Variants in GALK1 observed in about 807,000 individuals in gnomAD.
GALK1 encodes galactokinase.
GALK1 carries 30 observed loss-of-function variants against 38.6 expected under a neutral mutation model. The observed-to-expected ratio is 0.78, with a 90% CI of 0.58 to 1.05. The LOEUF is 1.05. Ranked by LOEUF, GALK1 falls within the 50% of genes least tolerant of loss-of-function variation. GALK1 has a pLI of 0.00. For synonymous variants in GALK1, 240 were observed against 233.6 expected (o/e 1.03, Z -0.25); for missense variants, 512 against 540.5 (o/e 0.95, Z 0.52).
At chr17:75,757,234 C>T, downstream of GALK1, 2 of 1,612,050 alleles carry the variant, frequency 1.2e-6, no homozygotes, top group Non-Finnish European at 8.5e-7. Flanking sequence ...GTGCCGGGCT[C>T]TTCCAGCACC....
intron 5 of GALK1, among the ~76,000 whole-genome samples, chr17:75,759,660 G>C (rs563593740): frequency 2.6e-5 from 4 of 152,204 alleles, no homozygotes; most frequent in Admixed American, 1.3e-4. Flanking sequence ...GCTGGGGTGG[G>C]GAGGAGGGAC....
chr17:75,758,971 C>T (rs1300885644), intron 5 of GALK1, among the ~76,000 whole-genome samples: 1 of 152,178 alleles, frequency 6.6e-6, no homozygotes, highest in Non-Finnish European at 1.5e-5. Flanking sequence ...AGCCAGGGAC[C>T]AGCAGGCTGT....
At chr17:75,754,475 AC>A, downstream of GALK1, 2 of 1,502,608 alleles carry the variant, frequency 1.3e-6, no homozygotes, top group South Asian at 1.1e-5. Flanking sequence ...AGCAAAAGCC[AC>A]CCAGAGGGTG....
At chr17:75,755,573 G>A, downstream of GALK1, 1 of 1,210,600 alleles carries the variant, frequency 8.3e-7, no homozygotes, top group Non-Finnish European at 1.2e-6. Context: ...TGCAGGGTGA[G>A]TGAGTTGTCC....
rs116845474 is a variant in GALK1, at chr17:75,758,024, G to A, written c.*32C>T. 8,787 of 1,610,484 alleles carry A rather than the reference G, an allele frequency of 5.5e-3. 26 individuals carry two copies. Among genetic ancestry groups the A allele is most frequent in the Non-Finnish European group, 6.8e-3 (7,995 of 1,178,504 alleles). On this transcript the variant is annotated 3_prime_UTR_variant, in exon 8 of 8. Transcript: ENST00000588479. ...GCCGTGGGACTGGCCTGCAGGCCCC[G>A]CACCCTCACCGTGTGCTGTCCTGGG...
rs572521863 is a variant in GALK1, at chr17:75,765,169, G to A, written c.-33C>T. On this transcript the variant is annotated 5_prime_UTR_variant, in exon 1 of 8. Coordinates refer to ENST00000588479, the MANE Select transcript of GALK1 (RefSeq NM_000154.2). ...GCCTGCAGCTCTGCACAGCTGCTCC[G>A]GCACAGCCCCGTCGGCGCGGGATGC... The A allele has an allele frequency of 1.1e-5, 16 of 1,426,864 alleles. No homozygotes were observed. The highest frequency in any genetic ancestry group is 8.9e-5 in the East Asian group (3 of 33,834). The allele number at this position is 1,426,864 out of a possible 1,614,324, so 88.4% of individuals were successfully genotyped here.
downstream of GALK1, chr17:75,756,468 C>G (rs2143533520): frequency 1.2e-6 from 2 of 1,613,384 alleles, no homozygotes; most frequent in South Asian, 1.1e-5. Context: ...CCTGCCCAGA[C>G]CTCGGTGGTG....
downstream of GALK1, chr17:75,751,577 C>A (rs3988218): frequency 3.6e-3 from 835 of 229,366 alleles, 8 homozygotes; most frequent in African/African-American, 0.018. Flanking sequence ...ATGGTGAAAC[C>A]GTTTCTACTA....
chr17:75,762,533 T>A (rs2061591589), intron 5 of GALK1, among the ~76,000 whole-genome samples, 171 bp downstream of exon 5: 2 of 152,188 alleles, frequency 1.3e-5, no homozygotes. Context: ...ATTTTAGGAT[T>A]TCAAGCAGCC....
chr17:75,761,737 G>T (rs1275366787), intron 5 of GALK1, among the ~76,000 whole-genome samples: 1 of 148,946 alleles, frequency 6.7e-6, no homozygotes, highest in Non-Finnish European at 1.5e-5. Context: ...AAAAAAAAGA[G>T]ACCGGCACTA....
chr17:75,752,723 C>A, intron 8 of GALK1: 1 of 1,027,546 alleles, frequency 9.7e-7, no homozygotes, highest in Non-Finnish European at 1.4e-6. Context: ...GAGTGCACAT[C>A]TGTGCATGGG....
At chr17:75,760,368 C>T (rs967372623) in intron 5 of GALK1, among the ~76,000 whole-genome samples, 1 of 151,206 alleles carries the variant, frequency 6.6e-6, no homozygotes, top group African/African-American at 2.4e-5. Context: ...GCTGGGATTA[C>T]AGGCACAGAC....
chr17:75,754,523 G>C (rs1353997419), downstream of GALK1: 2 of 1,610,766 alleles, frequency 1.2e-6, no homozygotes, highest in Non-Finnish European at 1.7e-6. Flanking sequence ...CCTGCCCCAC[G>C]GGGCCCGGGT....
At chr17:75,755,987 G>A (rs1327443493), downstream of GALK1, 4 of 1,084,788 alleles carry the variant, frequency 3.7e-6, no homozygotes, top group Non-Finnish European at 4.0e-6. Context: ...AGCCTGAGAG[G>A]GTCTCCCACC....
chr17:75,752,490 G>T, intron 8 of GALK1: 1 of 1,613,688 alleles, frequency 6.2e-7, no homozygotes, highest in Non-Finnish European at 8.5e-7. Flanking sequence ...CCAGAGCGGG[G>T]AGGACTACGA....
downstream of GALK1, chr17:75,754,976 A>G (rs2061459515): frequency 2.0e-6 from 3 of 1,530,432 alleles, no homozygotes; most frequent in African/African-American, 4.1e-5. Flanking sequence ...GCACACATGT[A>G]CACAGACATG....
chr17:75,763,500 G>A, intron 2 of GALK1, 61 bp from the exon 3 acceptor site: 1 of 1,536,672 alleles, frequency 6.5e-7, no homozygotes, highest in Non-Finnish European at 8.8e-7. Context: ...CACAGGAAGG[G>A]CAGGTGTCCT....
intron 5 of GALK1, among the ~76,000 whole-genome samples, chr17:75,761,798 A>G (rs2061588622): frequency 6.6e-6 from 1 of 151,054 alleles, no homozygotes; most frequent in Admixed American, 6.6e-5. Context: ...CGGGAGGATC[A>G]CCTGAGGTCA....
At chr17:75,754,191 T>G (rs1192397466), downstream of GALK1, among the ~76,000 whole-genome samples, 1 of 151,360 alleles carries the variant, frequency 6.6e-6, no homozygotes, top group Admixed American at 6.6e-5. Flanking sequence ...GGCCAGGGGG[T>G]GCAAATTCAG....
Sources: gnomAD v4.1 joint callset for allele counts (sites outside exome capture counted in the v4.1 genomes callset) on GRCh38, gnomAD v4.1.1 for gene constraint, MANE v1.5 for transcripts, NCBI Gene and HGNC (gene_info 2026-07-23, HGNC 2026-07-21) for gene names.